The following IGSF9 variants were observed in gnomAD, a reference collection of about 807,000 sequenced individuals.
IGSF9 encodes the protein protein turtle homolog A.
A neutral mutation model predicts 121.7 loss-of-function variants in IGSF9; 87 were observed. That is an observed-to-expected ratio of 0.71 (90% CI 0.60 to 0.85). The LOEUF (loss-of-function observed/expected upper bound fraction) is 0.85, where lower values mean the gene tolerates loss of function less well. IGSF9 is among the 40% of genes least tolerant of loss of function. The pLI is 0.00. For synonymous variants in IGSF9, 640 were observed against 648.4 expected (o/e 0.99, Z 0.20); for missense variants, 1,462 against 1,565.3 (o/e 0.93, Z 1.11).
At position 159,928,984 on chromosome 1, in the gene IGSF9, C is replaced by G; in HGVS notation, c.2404G>C (p.Ala802Pro). The G allele has an allele frequency of 6.6e-7, 1 of 1,519,104 alleles. No individual in the cohort carries two copies. The highest frequency in any genetic ancestry group is 8.8e-7 in the Non-Finnish European group (1 of 1,134,868). 94.1% of individuals were successfully genotyped at this position (1,519,104 alleles called of 1,614,324 possible). A position where few individuals can be genotyped will look rare whatever the true frequency, so the allele number is the denominator to read the frequency against. Residue 802 changes from alanine (A) to proline (P), a missense_variant, in exon 19 of 21, where the codon GCG becomes CCG. Physicochemically the swap from Ala to Pro is conservative, Grantham distance 27. Transcript: ENST00000368094. ...ALGSGSPDSV[A>P]KLKLQGSPVP... ...GGGGATCCCTGGAGCTTCAGCTTCGCCACGCTGTCAGGACTGCCTGAGCCC... is the reference window on the plus strand; with the variant it reads ...GGGGATCCCTGGAGCTTCAGCTTCGGCACGCTGTCAGGACTGCCTGAGCCC...
At position 159,936,385 on chromosome 1, in the gene IGSF9, C is replaced by G; in HGVS notation, c.673+14G>C. 1 of 1,609,716 alleles carries G rather than the reference C, an allele frequency of 6.2e-7. No homozygotes were observed. The highest frequency in any genetic ancestry group is 8.5e-7 in the Non-Finnish European group (1 of 1,176,268). ...TAGGTAACCCTGGACCCCAGCCCTC[C>G]CGCCAGAGAGCACCTAGCACTAGCA... On this transcript the variant is annotated intron_variant, in intron 6 of 20. Transcript: ENST00000368094.
chr1:159,927,917 T>A (rs1196569544), intron 19 of IGSF9, 30 bp from the exon 20 acceptor site: 15 of 1,599,782 alleles, frequency 9.4e-6, no homozygotes, highest in Non-Finnish European at 1.3e-5. Context: ...GACAAACATA[T>A]GGTGTGGGTG....
Position 159,928,322 on chromosome 1 carries a change from G to A in IGSF9, c.3066C>T (p.Thr1022=), listed in dbSNP as rs1650825353. ...CGCTGCCTCGCCCACTGCTCTGGCT[G>A]GTGAGGCTGCCTCGAGGGGCAGCAG... ...LLPAAPRGSL[T]SQSSGRGSAS... Residue 1022 remains threonine, a synonymous_variant, in exon 19 of 21, where the codon ACC becomes ACT. Coordinates refer to ENST00000368094, the MANE Select transcript of IGSF9 (RefSeq NM_001135050.2). The A allele has an allele frequency of 6.2e-7, 1 of 1,610,782 alleles. No homozygotes were observed. The highest frequency in any genetic ancestry group is 1.7e-5 in the Admixed American group (1 of 59,756).
Position 159,942,994 on chromosome 1 carries a change from G to A in IGSF9, c.216C>T (p.Leu72=). 6.2e-7 allele frequency: 1 copy of A among 1,613,642 alleles called. No individual in the cohort carries two copies. Among genetic ancestry groups the A allele is most frequent in the Non-Finnish European group, 8.5e-7 (1 of 1,179,792 alleles). Residue 72 remains leucine (L), a synonymous_variant, in exon 3 of 21, where the codon CTC becomes CTT. Transcript: ENST00000368094. ...FLLPIFIQFG[L]YSPRIDPDYV... ...AATCAGGGTCAATTCGGGGAGAGTA[G>A]AGGCCGAACTGGATGAAGATGGGAA... is the stretch of plus-strand genomic sequence containing the variant.
At position 159,930,682 on chromosome 1, in the gene IGSF9, A is replaced by AGCTTCTCAC. The variant is rs1557932024; in HGVS notation, c.1813+1_1813+9dup. The AGCTTCTCAC allele has an allele frequency of 6.2e-7, 1 of 1,613,860 alleles. No individual in the cohort carries two copies. The highest frequency in any genetic ancestry group is 1.1e-5 in the South Asian group (1 of 91,066). ...TTGTCTCTGCTGTTCTGGGACGAGAAGCTTCTCACCTTCCGGAGCAGACAA... is the reference window on the plus strand; with the variant it reads ...TTGTCTCTGCTGTTCTGGGACGAGAAGCTTCTCACGCTTCTCACCTTCCGGAGCAGACAA... On this transcript the variant is annotated intron_variant, in intron 14 of 20. Coordinates refer to ENST00000368094, the MANE Select transcript of IGSF9 (RefSeq NM_001135050.2).
chr1:159,942,931 C>G lies in IGSF9; in HGVS notation c.247+32G>C, dbSNP rs776618741. On this transcript the variant is annotated intron_variant, in intron 3 of 20. Coordinates refer to ENST00000368094, the MANE Select transcript of IGSF9 (RefSeq NM_001135050.2). ...CCCAGCCCACCTTTCTTGCTGATAC[C>G]TCCCTACCTCCCACCTGAGGAGAAC... The G allele has an allele frequency of 1.5e-5, 24 of 1,593,904 alleles. No homozygotes were observed. The Admixed American group carries it at 2.3e-4, about 15-fold the overall frequency.
At chr1:159,940,945 C>T (rs2101882922) in intron 3 of IGSF9, among the ~76,000 whole-genome samples, 1 of 152,340 alleles carries the variant, frequency 6.6e-6, no homozygotes, top group African/African-American at 2.4e-5. Flanking sequence ...CCTTCCTTCC[C>T]TCCAGAGGCC....
Position 159,934,546 on chromosome 1 carries a change from G to C in IGSF9, c.840C>G (p.Ile280Met), listed in dbSNP as rs1284549393. The C allele has an allele frequency of 1.2e-6, 2 of 1,613,928 alleles. No homozygotes were observed. Among genetic ancestry groups the C allele is most frequent in the Non-Finnish European group, 1.7e-6 (2 of 1,179,886 alleles). ...GCAGCCGCAGGCTCCCGTCCACCAG[G>C]ATCCGCACCCGGGGCTGCAGGCGGC... The part of the protein sequence containing the change: ...HISRLQPRVR[I>M]LVDGSLRLLA... Residue 280 changes from isoleucine to methionine, a missense_variant, in exon 8 of 21, where the codon ATC becomes ATG. This residue lies in a region of IGSF9 where 558 missense variants were observed against 599.4 expected (regional missense o/e 0.93). Transcript: ENST00000368094.
At chr1:159,943,215 C>T in intron 2 of IGSF9, 64 bp from the exon 3 acceptor site, 1 of 1,425,244 alleles carries the variant, frequency 7.0e-7, no homozygotes, top group Non-Finnish European at 9.5e-7. Flanking sequence ...GGGGGAGTGC[C>T]ATCAGTATCT....
chr1:159,944,789 G>C (rs921202634), intron 1 of IGSF9, among the ~76,000 whole-genome samples: 25 of 152,152 alleles, frequency 1.6e-4, no homozygotes, highest in African/African-American at 6.0e-4. Context: ...CACAGAGTCT[G>C]ATCCTTGCCT....
chr1:159,932,079 C>G lies in IGSF9; in HGVS notation c.1246-151G>C. 1 of 593,344 alleles carries G rather than the reference C, an allele frequency of 1.7e-6. No individual in the cohort carries two copies. Among genetic ancestry groups the G allele is most frequent in the Non-Finnish European group, 3.0e-6 (1 of 336,058 alleles). The allele number at this position is 593,344 out of a possible 1,614,324, so 36.8% of individuals were successfully genotyped here. ...TCACCAAGCCTGTCTCTACCTCATTCTCTCTCCATCTCTCAATTCCTCTCT... is the reference window on the plus strand; with the variant it reads ...TCACCAAGCCTGTCTCTACCTCATTGTCTCTCCATCTCTCAATTCCTCTCT... On this transcript the variant is annotated intron_variant, in intron 10 of 20. Coordinates refer to ENST00000368094, the MANE Select transcript of IGSF9 (RefSeq NM_001135050.2). This position sits in a 1 kb window ranked among gnomAD's most constrained non-coding sequence, Gnocchi z 4.1.
chr1:159,930,152 C>T (rs1650937363), intron 15 of IGSF9, 37 bp downstream of exon 15: 1 of 1,571,078 alleles, frequency 6.4e-7, no homozygotes, highest in East Asian at 2.3e-5. Context: ...AGGAGAGCCC[C>T]TAGGAGGCCT....
chr1:159,937,805 T>A lies in IGSF9; in HGVS notation c.281A>T (p.Gln94Leu). Residue 94 changes from glutamine to leucine, a missense_variant, in exon 4 of 21, where the codon CAG becomes CTG. Physicochemically the swap from Gln to Leu is moderately radical, Grantham distance 113. Coordinates refer to ENST00000368094, the MANE Select transcript of IGSF9 (RefSeq NM_001135050.2). ...RVRLQKGASL[Q>L]IEGLRVEDQG... is the part of the protein sequence containing the mutation. ...GTCTTCCACCCGGAGACCCTCAATC[T>A]GGAGAGAGGCCCCCTTCTGCAGCCG... 1 of 1,614,008 alleles carries A rather than the reference T, an allele frequency of 6.2e-7. No individual in the cohort carries two copies. Among genetic ancestry groups the A allele is most frequent in the Non-Finnish European group, 8.5e-7 (1 of 1,179,934 alleles).
In IGSF9 at chr1:159,931,120, C is replaced by T. The variant is rs374540062; in HGVS notation, c.1637+18G>A. On this transcript the variant is annotated intron_variant, in intron 13 of 20. Transcript: ENST00000368094. The surrounding 1 kb of genome is among the most constrained non-coding windows in gnomAD (Gnocchi z 4.8). The stretch of plus-strand genomic sequence containing the variant: ...AGGCAAGATTGGCACAGAGAAATGG[C>T]AGGAGCAGGTCACTCACAGTGGGGT... 13 of 1,614,016 alleles carry T rather than the reference C, an allele frequency of 8.1e-6. No homozygotes were observed. The highest frequency in any genetic ancestry group is 2.7e-5 in the African/African-American group (2 of 75,034).
chr1:159,927,095 C>CAGAGAGAGAAAGAGAGAG lies in IGSF9; in HGVS notation c.*249_*250insCTCTCTCTTTCTCTCTCT, dbSNP rs575352607. 1.1e-5 allele frequency: 5 copies of CAGAGAGAGAAAGAGAGAG among 451,118 alleles called. No individual in the cohort carries two copies. In the South Asian group the frequency reaches 1.4e-4, roughly 13 times the overall value. The allele number at this position is 451,118 out of a possible 1,614,324, so 27.9% of individuals were successfully genotyped here. On this transcript the variant is annotated 3_prime_UTR_variant, in exon 21 of 21. Coordinates refer to ENST00000368094, the MANE Select transcript of IGSF9 (RefSeq NM_001135050.2). The stretch of plus-strand genomic sequence containing the variant: ...AAAACTTCACACACACACACACACA[C>CAGAGAGAGAAAGAGAGAG]ACAGAGAGAGAGAGAGAGAGAGAGA...
In IGSF9 at chr1:159,930,385, G is replaced by A. The variant is rs1264388627; in HGVS notation, c.1868C>T (p.Pro623Leu). 1 of 1,580,418 alleles carries A rather than the reference G, an allele frequency of 6.3e-7. No individual in the cohort carries two copies. Among genetic ancestry groups the A allele is most frequent in the Non-Finnish European group, 8.6e-7 (1 of 1,162,036 alleles). Residue 623 changes from proline to leucine, a missense_variant, in exon 15 of 21, where the codon CCC (proline) becomes CTC (leucine). Physicochemically the swap from Pro to Leu is moderately conservative, Grantham distance 98. Transcript: ENST00000368094. ...PGLPPTEIPP[P>L]LSPPRGLVAV... is the part of the protein sequence containing the mutation. ...CACCAGACCCCGCGGAGGGGACAGG[G>A]GAGGCGGTATCTCTGTTGGGGGAAG...
chr1:159,936,582 T>C, intron 5 of IGSF9, 66 bp from the exon 6 acceptor site: 1 of 1,561,988 alleles, frequency 6.4e-7, no homozygotes, highest in Non-Finnish European at 8.7e-7. Flanking sequence ...ACTTCCGAGT[T>C]TGGCCAGCAG....
chr1:159,942,879 G>A lies in IGSF9; in HGVS notation c.247+84C>T, dbSNP rs1413857574. 16 of 1,137,466 alleles carry A rather than the reference G, an allele frequency of 1.4e-5. No individual in the cohort carries two copies. In the East Asian group the frequency reaches 1.7e-4, roughly 12 times the overall value. The allele number at this position is 1,137,466 out of a possible 1,614,324, so 70.5% of individuals were successfully genotyped here. A position where few individuals can be genotyped will look rare whatever the true frequency, so the allele number is the denominator to read the frequency against. On this transcript the variant is annotated intron_variant, in intron 3 of 20. Transcript: ENST00000368094. The stretch of plus-strand genomic sequence containing the variant: ...ATGAGATCAGAGCAGGGACAAAGCC[G>A]TTCATAGGAGGCCTTGTGCGACTCT...
In IGSF9 at chr1:159,927,290, TG is replaced by T; in HGVS notation, c.*54del. On this transcript the variant is annotated 3_prime_UTR_variant, in exon 21 of 21. Transcript: ENST00000368094. ...TCGTTTGAAACTAGGTCTGTCTGGTTGGGGGCCTCCTTTGCAGGTCCATATG... is the reference window on the plus strand; with the variant it reads ...TCGTTTGAAACTAGGTCTGTCTGGTTGGGGCCTCCTTTGCAGGTCCATATG... 2 of 1,603,412 alleles carry T rather than the reference TG, an allele frequency of 1.2e-6. No homozygotes were observed. The highest frequency in any genetic ancestry group is 1.7e-6 in the Non-Finnish European group (2 of 1,172,756).
Sources: allele counts gnomAD v4.1 joint callset (sites outside exome capture counted in the v4.1 genomes callset), GRCh38; gene constraint gnomAD v4.1.1; regional missense constraint gnomAD v4.1.1; non-coding constraint Gnocchi (gnomAD v3.1); transcripts MANE v1.5; gene names NCBI Gene and HGNC (gene_info 2026-07-23, HGNC 2026-07-21).